Variants in PLXNA4 observed in about 807,000 individuals in gnomAD.
PLXNA4 encodes plexin A4, also known as plexin-A4.
In PLXNA4, 44 loss-of-function variants were observed where a neutral mutation model predicts 191.8. The ratio of observed to expected loss-of-function variants is 0.23; its 90% CI spans 0.18 to 0.29. The LOEUF (loss-of-function observed/expected upper bound fraction) is 0.29. Among genes scored for constraint, PLXNA4 ranks in the 10% least tolerant of loss-of-function variants. The pLI is 1.00. For synonymous variants in PLXNA4, 1,082 were observed against 1,009.5 expected (o/e 1.07, Z -1.36); for missense variants, 1,800 against 2,488.8 (o/e 0.72, Z 5.89).
intron 4 of PLXNA4, among the ~76,000 whole-genome samples, chr7:132,285,349 A>G (rs866184701): frequency 3.9e-5 from 6 of 152,334 alleles, no homozygotes; most frequent in Admixed American, 6.5e-5. Flanking sequence ...AGCCTTCTGC[A>G]CCAGCTGGAA....
At chr7:132,520,094 G>C (rs1480838543) in intron 1 of PLXNA4, among the ~76,000 whole-genome samples, 2 of 152,152 alleles carry the variant, frequency 1.3e-5, no homozygotes, top group Non-Finnish European at 2.9e-5. Context: ...GGTGTTCACT[G>C]GGTGACAAAA....
At chr7:132,176,554 G>A (rs1796464085) in intron 20 of PLXNA4, among the ~76,000 whole-genome samples, 2 of 152,218 alleles carry the variant, frequency 1.3e-5, no homozygotes, top group Non-Finnish European at 2.9e-5. Context: ...GACAGTGTGT[G>A]AGCATGTCAG....
At chr7:132,371,895 A>G (rs1173056452) in intron 3 of PLXNA4, among the ~76,000 whole-genome samples, 4 of 152,214 alleles carry the variant, frequency 2.6e-5, no homozygotes, top group Non-Finnish European at 5.9e-5. Context: ...CTCTGGGGAA[A>G]CTTGATTGGG....
Position 132,352,610 on chromosome 7 carries a change from G to T in PLXNA4, c.1372-54388C>A, listed in dbSNP as rs1018539209. Among the ~76,000 whole-genome samples, 3 of 152,318 alleles carry T rather than the reference G, an allele frequency of 2.0e-5. No individual in the cohort carries two copies. In the East Asian group the frequency reaches 5.8e-4, roughly 29 times the overall value. On this transcript the variant is annotated intron_variant, in intron 3 of 31. Coordinates refer to ENST00000321063, the MANE Select transcript of PLXNA4 (RefSeq NM_020911.2). ...CGTGGTAGAACCTGAATACAGGAGG[G>T]ATATGGGAAAAAGTTCACACACTAT...
intron 3 of PLXNA4, among the ~76,000 whole-genome samples, chr7:132,408,625 G>C (rs1432444672): frequency 6.6e-6 from 1 of 151,994 alleles, no homozygotes; most frequent in African/African-American, 2.4e-5. Flanking sequence ...CACCACATCT[G>C]GCTAATTTTT....
chr7:132,314,677 C>T (rs1056324196), intron 3 of PLXNA4, among the ~76,000 whole-genome samples: 12 of 152,314 alleles, frequency 7.9e-5, no homozygotes, highest in Middle Eastern at 3.4e-3. Flanking sequence ...TCCACATCAC[C>T]AGACCCTGGG....
rs1794746232 is a variant in PLXNA4 at position 132,125,598 on chromosome 7, C to T, written c.*4881G>A. The T allele has an allele frequency of 6.6e-6, 1 of 152,132 alleles. No individual in the cohort carries two copies. The highest frequency in any genetic ancestry group is 6.5e-5 in the Admixed American group (1 of 15,274). The allele number at this position is 152,132 out of a possible 1,614,324, so 9.4% of individuals were successfully genotyped here. A position where few individuals can be genotyped will look rare whatever the true frequency, so the allele number is the denominator to read the frequency against. On this transcript the variant is annotated 3_prime_UTR_variant, in exon 32 of 32. Transcript: ENST00000321063. ...AACTCCAAAATCCCAAATAAATGGC[C>T]CACAGTTTTGTTTTGTTTTGTTTTT...
At chr7:132,165,986 C>T (rs750265896) in intron 22 of PLXNA4, among the ~76,000 whole-genome samples, 4 of 152,142 alleles carry the variant, frequency 2.6e-5, no homozygotes, top group Non-Finnish European at 4.4e-5. Flanking sequence ...ATCATGAGGT[C>T]AACAGATCAA....
intron 1 of PLXNA4, among the ~76,000 whole-genome samples, chr7:132,648,221 T>A (rs1186577542): frequency 3.9e-5 from 6 of 152,168 alleles, no homozygotes; most frequent in Non-Finnish European, 7.4e-5. Flanking sequence ...ACTTACACAC[T>A]CACACATCGT....
chr7:132,211,754 A>G (rs1288427285), intron 9 of PLXNA4, among the ~76,000 whole-genome samples: 1 of 152,184 alleles, frequency 6.6e-6, no homozygotes, highest in African/African-American at 2.4e-5. Flanking sequence ...CCCCAAAGAA[A>G]TGCCTCTCAG....
At chr7:132,205,669 C>T (rs978739136) in intron 10 of PLXNA4, among the ~76,000 whole-genome samples, 1 of 152,156 alleles carries the variant, frequency 6.6e-6, no homozygotes, top group African/African-American at 2.4e-5. Flanking sequence ...TGGCTCTGAG[C>T]AGGGCTGGCT....
At chr7:132,397,493 C>T (rs1212232786) in intron 3 of PLXNA4, among the ~76,000 whole-genome samples, 1 of 152,210 alleles carries the variant, frequency 6.6e-6, no homozygotes, top group African/African-American at 2.4e-5. Context: ...TTACCACACA[C>T]TCATGAGAGC....
At chr7:132,373,274 A>G (rs879511490) in intron 3 of PLXNA4, among the ~76,000 whole-genome samples, 3 of 152,148 alleles carry the variant, frequency 2.0e-5, no homozygotes, top group Non-Finnish European at 4.4e-5. Context: ...CAGGGATGCC[A>G]AGTACACCTT....
chr7:132,167,675 T>C (rs971132370), intron 22 of PLXNA4, among the ~76,000 whole-genome samples: 3 of 152,156 alleles, frequency 2.0e-5, no homozygotes, highest in Non-Finnish European at 2.9e-5. Flanking sequence ...GCTGGAACTT[T>C]ACAGGTGTGC....
chr7:132,549,089 C>T (rs959578080), intron 1 of PLXNA4, among the ~76,000 whole-genome samples: 2 of 152,176 alleles, frequency 1.3e-5, no homozygotes, highest in Non-Finnish European at 2.9e-5. Flanking sequence ...ATCCACCCCT[C>T]GTTTAGCATA....
At chr7:132,261,047 C>T (rs1350093800) in intron 4 of PLXNA4, among the ~76,000 whole-genome samples, 1 of 152,130 alleles carries the variant, frequency 6.6e-6, no homozygotes, top group Non-Finnish European at 1.5e-5. Context: ...ATAGTCTATT[C>T]AAAAATAGTA....
chr7:132,646,908 T>C (rs527358973), intron 1 of PLXNA4, among the ~76,000 whole-genome samples: 12 of 151,440 alleles, frequency 7.9e-5, no homozygotes, highest in African/African-American at 2.7e-4. Flanking sequence ...CATTCACACG[T>C]ACACCAACAT....
chr7:132,500,257 G>C (rs1798191255), intron 2 of PLXNA4, among the ~76,000 whole-genome samples: 3 of 152,182 alleles, frequency 2.0e-5, no homozygotes, highest in Admixed American at 2.0e-4. Context: ...AGCTTGGCCA[G>C]CGTGATGAAA....
chr7:132,357,038 A>T (rs1404375664), intron 3 of PLXNA4, among the ~76,000 whole-genome samples: 1 of 152,164 alleles, frequency 6.6e-6, no homozygotes, highest in Non-Finnish European at 1.5e-5. Context: ...ATCTCTGCCT[A>T]TGAGAGGTGT....
Sources: allele counts gnomAD v4.1 joint callset (sites outside exome capture counted in the v4.1 genomes callset), GRCh38; gene constraint gnomAD v4.1.1; transcripts MANE v1.5; gene names NCBI Gene and HGNC (gene_info 2026-07-23, HGNC 2026-07-21).